Variants in HTR1F observed in about 807,000 individuals in gnomAD.
HTR1F encodes 5-hydroxytryptamine (serotonin) receptor 1F, G protein-coupled.
A neutral mutation model predicts 24.0 loss-of-function variants in HTR1F; 17 were observed. The observed-to-expected ratio is 0.71, with a 90% CI of 0.48 to 1.06. HTR1F has a LOEUF of 1.06. Ranked by LOEUF, HTR1F falls within the 50% of genes least tolerant of loss-of-function variation. HTR1F has a pLI of 0.00. For missense variants in HTR1F, 391 were observed against 427.8 expected, an observed-to-expected ratio of 0.91 and a Z score of 0.76; for synonymous variants, 186 against 156.8, an observed-to-expected ratio of 1.19 and a Z score of -1.39.
At chr3:87,871,150 A>G (rs1705546549) in intron 2 of HTR1F, among the ~76,000 whole-genome samples, 1 of 152,060 alleles carries the variant, frequency 6.6e-6, no homozygotes, top group Non-Finnish European at 1.5e-5. Flanking sequence ...ACACATATAG[A>G]TAGAAACCTT....
chr3:87,956,361 G>T (rs1299294274), intron 2 of HTR1F, among the ~76,000 whole-genome samples: 2 of 151,340 alleles, frequency 1.3e-5, no homozygotes, highest in African/African-American at 4.8e-5. Context: ...ACTCTTTAAA[G>T]TATTGCTATG....
chr3:87,912,010 C>A (rs1222538867), intron 2 of HTR1F, among the ~76,000 whole-genome samples: 2 of 151,912 alleles, frequency 1.3e-5, no homozygotes, highest in African/African-American at 2.4e-5. Context: ...ATCAGCATGA[C>A]AAGAATGTCC....
intron 2 of HTR1F, among the ~76,000 whole-genome samples, chr3:87,893,658 C>A (rs1297425670): frequency 6.6e-6 from 1 of 152,216 alleles, no homozygotes; most frequent in Non-Finnish European, 1.5e-5. Context: ...ATAACCTTAT[C>A]CATGCCAATG....
At chr3:87,858,393 T>C (rs945481696) in intron 2 of HTR1F, among the ~76,000 whole-genome samples, 1 of 152,178 alleles carries the variant, frequency 6.6e-6, no homozygotes, top group Admixed American at 6.5e-5. Flanking sequence ...CGTGTTACAT[T>C]GTTTTGCCCG....
At chr3:87,879,542 G>A (rs1705743660) in intron 2 of HTR1F, among the ~76,000 whole-genome samples, 1 of 152,014 alleles carries the variant, frequency 6.6e-6, no homozygotes, top group South Asian at 2.1e-4. Flanking sequence ...ACACACCCTT[G>A]AATGATATTT....
chr3:87,877,799 A>G (rs1288131380), intron 2 of HTR1F, among the ~76,000 whole-genome samples: 1 of 152,202 alleles, frequency 6.6e-6, no homozygotes, highest in African/African-American at 2.4e-5. Context: ...AGAAGAAGAA[A>G]TCAATACAAA....
chr3:87,824,228 A>G (rs1704417684), intron 2 of HTR1F, among the ~76,000 whole-genome samples: 2 of 152,132 alleles, frequency 1.3e-5, no homozygotes, highest in Admixed American at 6.5e-5. Context: ...TTGTTCCTCC[A>G]CAAGTCTTTC....
chr3:87,813,789 C>T (rs1040083074), intron 1 of HTR1F, among the ~76,000 whole-genome samples: 4 of 152,160 alleles, frequency 2.6e-5, no homozygotes, highest in African/African-American at 7.2e-5. Flanking sequence ...TGGTTTTATA[C>T]GTGTTTGACA....
intron 2 of HTR1F, among the ~76,000 whole-genome samples, chr3:87,854,835 T>A (rs1412691897): frequency 1.3e-5 from 2 of 152,076 alleles, no homozygotes; most frequent in African/African-American, 2.4e-5. Context: ...GTCTTGACAT[T>A]CATATCTATT....
intron 1 of HTR1F, among the ~76,000 whole-genome samples, chr3:87,805,682 G>T (rs1704062159): frequency 1.3e-5 from 2 of 151,990 alleles, no homozygotes; most frequent in South Asian, 4.1e-4. Context: ...TTAGGGAAAA[G>T]AGCTAATGCA....
intron 2 of HTR1F, among the ~76,000 whole-genome samples, chr3:87,895,089 CA>C (rs1426272266): frequency 6.6e-6 from 1 of 152,110 alleles, no homozygotes; most frequent in African/African-American, 2.4e-5. Flanking sequence ...TCTACTCAGA[CA>C]GGGGTGATGA....
At chr3:87,943,018 T>C (rs1576068700) in intron 2 of HTR1F, among the ~76,000 whole-genome samples, 1 of 152,220 alleles carries the variant, frequency 6.6e-6, no homozygotes, top group African/African-American at 2.4e-5. Context: ...CCCTGTGTTA[T>C]AGTGGACATC....
At chr3:87,838,509 T>G (rs758323346) in intron 2 of HTR1F, among the ~76,000 whole-genome samples, 8 of 151,904 alleles carry the variant, frequency 5.3e-5, no homozygotes, top group Non-Finnish European at 1.2e-4. Context: ...AATTTTGAGG[T>G]TTTTTTTATA....
In HTR1F at chr3:87,992,180, A is replaced by T. The variant is rs1256506672; in HGVS notation, c.*330A>T. ...CATGTTTACATCTTACAATAATTATAGAGGAGTTTTCAATTAACAACATAC... is the reference window on the plus strand; with the variant it reads ...CATGTTTACATCTTACAATAATTATTGAGGAGTTTTCAATTAACAACATAC... On this transcript the variant is annotated 3_prime_UTR_variant, in exon 3 of 3. Transcript: ENST00000319595. 3 of 172,960 alleles carry T rather than the reference A, an allele frequency of 1.7e-5. No individual in the cohort carries two copies. Among genetic ancestry groups the T allele is most frequent in the African/African-American group, 7.2e-5 (3 of 41,692 alleles). The allele number at this position is 172,960 out of a possible 1,614,324, so 10.7% of individuals were successfully genotyped here.
intron 2 of HTR1F, among the ~76,000 whole-genome samples, chr3:87,959,635 T>C (rs1705018620): frequency 6.6e-6 from 1 of 151,868 alleles, no homozygotes; most frequent in Non-Finnish European, 1.5e-5. Flanking sequence ...GAGACAAATA[T>C]GAAATGTAAA....
chr3:87,922,755 C>G (rs1361825116), intron 2 of HTR1F, among the ~76,000 whole-genome samples: 5 of 151,350 alleles, frequency 3.3e-5, no homozygotes, highest in Non-Finnish European at 7.4e-5. Flanking sequence ...TCCCGTTTTT[C>G]CAGCAACATT....
At chr3:87,890,276 A>C (rs1706047385) in intron 2 of HTR1F, among the ~76,000 whole-genome samples, 3 of 152,186 alleles carry the variant, frequency 2.0e-5, no homozygotes, top group Admixed American at 2.0e-4. Context: ...TTTTGCATAT[A>C]TATGTTTGTA....
Position 87,858,957 on chromosome 3 carries a change from A to G in HTR1F, c.-43+36833A>G, listed in dbSNP as rs967332364. On this transcript the variant is annotated intron_variant, in intron 2 of 2. Coordinates refer to ENST00000319595, the MANE Select transcript of HTR1F (RefSeq NM_001322209.2). ...ATGCCTGTAATCCCAGCACCTTGGG[A>G]GGCCAAGGAGGGTGGATCCTCTGAG... Among the ~76,000 whole-genome samples, 14 of 152,114 alleles carry G rather than the reference A, an allele frequency of 9.2e-5. 1 individual carries two copies. The highest frequency in any genetic ancestry group is 3.4e-4 in the African/African-American group (14 of 41,434).
intron 2 of HTR1F, among the ~76,000 whole-genome samples, chr3:87,843,626 C>T (rs1704860900): frequency 6.7e-6 from 1 of 150,140 alleles, no homozygotes; most frequent in Non-Finnish European, 1.5e-5. Flanking sequence ...TGTGCTGCAC[C>T]CATTAACTCA....
Sources: gnomAD v4.1 joint callset for allele counts (sites outside exome capture counted in the v4.1 genomes callset) on GRCh38, gnomAD v4.1.1 for gene constraint, MANE v1.5 for transcripts, NCBI Gene and HGNC (gene_info 2026-07-23, HGNC 2026-07-21) for gene names.